The following SLC7A2 variants were observed in gnomAD, a reference collection of about 807,000 sequenced individuals.
SLC7A2 encodes the protein solute carrier family 7 member 2, also known as cationic amino acid transporter 2.
Under a neutral mutation model 58.9 loss-of-function variants are expected in SLC7A2, and 48 were observed. The ratio of observed to expected loss-of-function variants is 0.82; its 90% confidence interval spans 0.65 to 1.04. SLC7A2 has a LOEUF of 1.04. Ranked by LOEUF, SLC7A2 falls within the 50% of genes least tolerant of loss-of-function variation. The pLI, the probability that SLC7A2 is intolerant of heterozygous loss-of-function variation, is 0.00. For missense variants in SLC7A2, 1,029 were observed against 818.8 expected (o/e 1.26, Z -3.13); for synonymous variants, 363 against 314.5 (o/e 1.15, Z -1.63).
intron 2 of SLC7A2, among the ~76,000 whole-genome samples, chr8:17,541,427 G>A (rs951393519): frequency 6.6e-6 from 1 of 152,216 alleles, no homozygotes; most frequent in African/African-American, 2.4e-5. Flanking sequence ...TTTCCCATAA[G>A]CATTTGTGAA....
In SLC7A2 at chr8:17,568,074, A is replaced by G. The variant is rs926609702; in HGVS notation, c.*2928A>G. Reference sequence around the variant, plus strand: ...AATGTTTTGTAGAGTTTTGACTAGTAATCAATCAAAATTATATAAAGTCTT... The same window carrying G: ...AATGTTTTGTAGAGTTTTGACTAGTGATCAATCAAAATTATATAAAGTCTT... On this transcript the variant is annotated 3_prime_UTR_variant, in exon 13 of 13. Transcript: ENST00000494857. The G allele has an allele frequency of 6.6e-5, 10 of 152,092 alleles. No homozygotes were observed. Among genetic ancestry groups the G allele is most frequent in the African/African-American group, 2.4e-4 (10 of 41,406 alleles). 9.4% of individuals were successfully genotyped at this position (152,092 alleles called of 1,614,324 possible). A position where few individuals can be genotyped will look rare whatever the true frequency, so the allele number is the denominator to read the frequency against.
At chr8:17,521,243 A>G (rs1442292859) in intron 2 of SLC7A2, among the ~76,000 whole-genome samples, 1 of 152,208 alleles carries the variant, frequency 6.6e-6, no homozygotes, top group Admixed American at 6.5e-5. Flanking sequence ...CAACAAAATG[A>G]AGGGAAATAC....
intron 11 of SLC7A2, 53 bp from the exon 12 acceptor site, chr8:17,563,550 G>A: frequency 9.3e-7 from 1 of 1,077,660 alleles, no homozygotes; most frequent in South Asian, 1.3e-5. Context: ...AAATAACTTG[G>A]GGAATATGCT....
At chr8:17,549,739 T>C (rs1563471873) in intron 5 of SLC7A2, among the ~76,000 whole-genome samples, 1 of 152,228 alleles carries the variant, frequency 6.6e-6, no homozygotes, top group Non-Finnish European at 1.5e-5. Context: ...TGACAGAGGT[T>C]GTTTAGTCAT....
chr8:17,549,443 A>C (rs11998060), intron 5 of SLC7A2, among the ~76,000 whole-genome samples: 5,272 of 152,316 alleles, frequency 0.035, 286 homozygotes, highest in African/African-American at 0.12. Flanking sequence ...TCCCAGCCTC[A>C]AGCTCTGCTC....
intron 8 of SLC7A2, 62 bp from the exon 9 acceptor site, chr8:17,558,233 A>G: frequency 9.6e-7 from 1 of 1,042,032 alleles, no homozygotes; most frequent in Non-Finnish European, 1.5e-6. Flanking sequence ...CTTGAACGTT[A>G]GTAACTGTAT....
At chr8:17,504,259 C>T (rs1800280084) in intron 2 of SLC7A2, among the ~76,000 whole-genome samples, 1 of 152,134 alleles carries the variant, frequency 6.6e-6, no homozygotes, top group African/African-American at 2.4e-5. Flanking sequence ...GAGAATGTGC[C>T]AAGTGCTTAG....
At chr8:17,505,099 C>G (rs940919972) in intron 2 of SLC7A2, among the ~76,000 whole-genome samples, 1 of 147,714 alleles carries the variant, frequency 6.8e-6, no homozygotes, top group Non-Finnish European at 1.5e-5. Context: ...GCCGCCCACC[C>G]GATCCCATCC....
rs574810829 is a variant in SLC7A2 at position 17,561,205 on chromosome 8, G to C, written c.1504+672G>C. On this transcript the variant is annotated intron_variant, in intron 10 of 12. Transcript: ENST00000494857. ...GCACATTAGCAGTCTGTATTAGTCTGTTCTCACACTGCTAGTAAAGACATA... is the reference window on the plus strand; with the variant it reads ...GCACATTAGCAGTCTGTATTAGTCTCTTCTCACACTGCTAGTAAAGACATA... 3.9e-5 allele frequency among the ~76,000 whole-genome samples: 6 copies of C among 152,260 alleles called. No individual in the cohort carries two copies. In the East Asian group the frequency reaches 1.2e-3, roughly 29 times the overall value.
At chr8:17,524,011 A>G (rs1801122415) in intron 2 of SLC7A2, among the ~76,000 whole-genome samples, 1 of 152,234 alleles carries the variant, frequency 6.6e-6, no homozygotes, top group Non-Finnish European at 1.5e-5. Flanking sequence ...AATGTTCAAC[A>G]TCACTAATTA....
intron 2 of SLC7A2, among the ~76,000 whole-genome samples, chr8:17,504,710 A>G (rs1800295889): frequency 6.6e-6 from 1 of 152,206 alleles, no homozygotes; most frequent in Non-Finnish European, 1.5e-5. Context: ...GTAGAATTGT[A>G]TAATATTTAC....
Position 17,554,706 on chromosome 8 carries a change from G to A in SLC7A2, c.1195+7G>A, listed in dbSNP as rs1802609188. The A allele has an allele frequency of 1.2e-6, 2 of 1,604,568 alleles. No individual in the cohort carries two copies. The highest frequency in any genetic ancestry group is 1.1e-5 in the South Asian group (1 of 88,854). On this transcript the variant is annotated splice_region_variant and intron_variant, in intron 8 of 12. Transcript: ENST00000494857. Reference sequence around the variant, plus strand: ...TCATCGGGTGCAGTGGCAGGTGAGAGAGAGTTGACTTTTCTTCAGAAACGG... The same window carrying A: ...TCATCGGGTGCAGTGGCAGGTGAGAAAGAGTTGACTTTTCTTCAGAAACGG...
chr8:17,513,874 T>G (rs553512863), intron 2 of SLC7A2, among the ~76,000 whole-genome samples: 3 of 152,200 alleles, frequency 2.0e-5, no homozygotes, highest in Non-Finnish European at 2.9e-5. Flanking sequence ...GAGCACATAT[T>G]GCCAAAAACC....
upstream of SLC7A2, among the ~76,000 whole-genome samples, chr8:17,494,516 C>G (rs938267545): frequency 6.6e-6 from 1 of 152,122 alleles, no homozygotes; most frequent in Non-Finnish European, 1.5e-5. Context: ...AAATTTTACT[C>G]AACTGGGAAA....
At chr8:17,536,434 G>T (rs1801669087) in intron 2 of SLC7A2, among the ~76,000 whole-genome samples, 1 of 152,104 alleles carries the variant, frequency 6.6e-6, no homozygotes, top group South Asian at 2.1e-4. Context: ...GCTGGATGTG[G>T]TGGCGGGTGC....
chr8:17,540,745 A>C (rs1204670809), intron 2 of SLC7A2, among the ~76,000 whole-genome samples: 1 of 152,090 alleles, frequency 6.6e-6, no homozygotes, highest in East Asian at 1.9e-4. Flanking sequence ...TTATTCTTTT[A>C]TTTTTATGCT....
At chr8:17,561,764 C>T (rs1802999113) in intron 10 of SLC7A2, among the ~76,000 whole-genome samples, 180 bp from the exon 11 acceptor site, 1 of 152,084 alleles carries the variant, frequency 6.6e-6, no homozygotes, top group Non-Finnish European at 1.5e-5. Flanking sequence ...TTCTTAAATC[C>T]CTGCAACTGG....
In SLC7A2 at chr8:17,537,994, G is replaced by A. The variant is rs181896638; in HGVS notation, c.-22-5324G>A. Among the ~76,000 whole-genome samples, 22 of 152,264 alleles carry A rather than the reference G, an allele frequency of 1.4e-4. 1 individual carries two copies. The highest frequency in any genetic ancestry group is 5.3e-4 in the African/African-American group (22 of 41,544). ...AGGTATGCCTTATTCCCACTGTGAT[G>A]TTGCCTTCACTAAAGTGAAATGGAG... On this transcript the variant is annotated intron_variant, in intron 2 of 12. Coordinates refer to ENST00000494857, the MANE Select transcript of SLC7A2 (RefSeq NM_001370338.1).
In SLC7A2 at chr8:17,560,426, T is replaced by A. The variant is rs770861230; in HGVS notation, c.1397T>A (p.Val466Asp). The A allele has an allele frequency of 4.3e-6, 7 of 1,614,016 alleles. No individual in the cohort carries two copies. In the East Asian group the frequency reaches 1.6e-4, roughly 36 times the overall value. Residue 466 changes from valine to aspartate, a missense_variant, in exon 10 of 13, where the codon GTC (valine) becomes GAC (aspartate). Coordinates refer to ENST00000494857, the MANE Select transcript of SLC7A2 (RefSeq NM_001370338.1). ...PRVTSKSESQ[V>D]TMLQRQGFSM... ...GTAACCTCGAAGAGTGAGTCCCAGG[T>A]CACCATGCTGCAGAGACAGGGCTTC...
Sources: allele counts gnomAD v4.1 joint callset (sites outside exome capture counted in the v4.1 genomes callset), GRCh38; gene constraint gnomAD v4.1.1; transcripts MANE v1.5; gene names NCBI Gene and HGNC (gene_info 2026-07-23, HGNC 2026-07-21).